Variants in KLF12 observed in about 807,000 individuals in gnomAD.
KLF12 encodes KLF transcription factor 12.
In KLF12, 9 loss-of-function variants were observed where a neutral mutation model predicts 37.8. The observed-to-expected ratio is 0.24, with a 90% confidence interval of 0.14 to 0.42. The LOEUF is 0.42. Among genes scored for constraint, KLF12 ranks in the 10% least tolerant of loss-of-function variants. The probability of loss-of-function intolerance (pLI) is 1.00; values close to 1 mark genes in which losing one functional copy is unlikely to be tolerated. For synonymous variants in KLF12, 208 were observed against 202.1 expected (o/e 1.03, Z -0.25); for missense variants, 411 against 516.0 (o/e 0.80, Z 1.97).
chr13:73,911,057 T>G (rs2139150926), intron 3 of KLF12, among the ~76,000 whole-genome samples: 1 of 152,234 alleles, frequency 6.6e-6, no homozygotes, highest in African/African-American at 2.4e-5. Context: ...TAAATTCCTT[T>G]TCTTTATAAA....
At chr13:74,268,544 CTTACAGTATAA>C in the KLF12 span, among the ~76,000 whole-genome samples, 1 of 152,152 alleles carries the variant, frequency 6.6e-6, no homozygotes, top group Non-Finnish European at 1.5e-5. Context: ...AAGCAGCTCA[CTTACAGTATAA>C]TTCAGAGGCT....
chr13:73,937,856 G>C (rs1042484698), intron 3 of KLF12, among the ~76,000 whole-genome samples: 4 of 152,024 alleles, frequency 2.6e-5, no homozygotes, highest in African/African-American at 7.3e-5. Context: ...CTTTAGTGGA[G>C]GATACCTCTT....
At chr13:74,268,188 C>T in the KLF12 span, among the ~76,000 whole-genome samples, 1 of 152,128 alleles carries the variant, frequency 6.6e-6, no homozygotes, top group Non-Finnish European at 1.5e-5. Flanking sequence ...ATTTTGCTAT[C>T]ACTGTTGCTG....
intron 4 of KLF12, among the ~76,000 whole-genome samples, chr13:73,827,872 A>G (rs7984301): frequency 0.25 from 37,437 of 152,004 alleles, 4,786 homozygotes; most frequent in East Asian, 0.48. Flanking sequence ...CCCATCCAGA[A>G]TTTTGGTGCA....
intron 2 of KLF12, among the ~76,000 whole-genome samples, chr13:73,979,354 A>AACACAC (rs71115629): frequency 0.12 from 16,092 of 139,554 alleles, 960 homozygotes; most frequent in Admixed American, 0.13. Context: ...TCTGCTTTTA[A>AACACAC]ACACACACAC....
intron 1 of KLF12, among the ~76,000 whole-genome samples, chr13:74,008,213 A>T (rs1892464910): frequency 6.6e-6 from 1 of 152,236 alleles, no homozygotes. Flanking sequence ...AATTTTGATC[A>T]GACCAATTCC....
chr13:74,265,726 G>A, the KLF12 span, among the ~76,000 whole-genome samples: 1 of 152,090 alleles, frequency 6.6e-6, no homozygotes, highest in African/African-American at 2.4e-5. Flanking sequence ...TTTCCTGTGT[G>A]TTCTTGGAAA....
At chr13:74,121,913 T>C (rs1877654806) in intron 1 of KLF12, among the ~76,000 whole-genome samples, 1 of 152,072 alleles carries the variant, frequency 6.6e-6, no homozygotes, top group Non-Finnish European at 1.5e-5. Context: ...TACAATGGTA[T>C]GTCTATGCTC....
chr13:74,019,243 A>G (rs1892779161), intron 1 of KLF12, among the ~76,000 whole-genome samples: 1 of 152,160 alleles, frequency 6.6e-6, no homozygotes, highest in African/African-American at 2.4e-5. Flanking sequence ...TGTCTACTGA[A>G]GTTCAAGTTT....
chr13:73,765,716 T>C (rs1210191803), intron 5 of KLF12, among the ~76,000 whole-genome samples: 1 of 152,134 alleles, frequency 6.6e-6, no homozygotes, highest in African/African-American at 2.4e-5. Context: ...GCCTAGCTAG[T>C]AAACCTCCGC....
intron 3 of KLF12, among the ~76,000 whole-genome samples, chr13:73,897,162 T>C (rs1594226154): frequency 6.6e-6 from 1 of 152,068 alleles, no homozygotes; most frequent in East Asian, 1.9e-4. Flanking sequence ...ATTTACAGCA[T>C]ATTGAAAACA....
At chr13:74,117,810 T>C (rs933793490) in intron 1 of KLF12, among the ~76,000 whole-genome samples, 5 of 152,110 alleles carry the variant, frequency 3.3e-5, no homozygotes, top group Non-Finnish European at 5.9e-5. Context: ...CTGAAGGACG[T>C]CCTATAAAAT....
upstream of KLF12, among the ~76,000 whole-genome samples, chr13:74,135,397 CG>C (rs932932008): frequency 1.3e-5 from 2 of 151,928 alleles, no homozygotes; most frequent in Admixed American, 1.3e-4. Flanking sequence ...GGCCCGGAGC[CG>C]AGTCCTTGAC....
At chr13:74,090,713 G>A (rs1001248204) in intron 1 of KLF12, among the ~76,000 whole-genome samples, 3 of 151,982 alleles carry the variant, frequency 2.0e-5, no homozygotes, top group Non-Finnish European at 4.4e-5. Context: ...CTACTGTTGA[G>A]TTTTGAGAGT....
At chr13:74,140,135 A>G in the KLF12 span, among the ~76,000 whole-genome samples, 4,702 of 152,300 alleles carry the variant, frequency 0.031, 110 homozygotes, top group African/African-American at 0.058. Context: ...TTTATTTTAG[A>G]TAGTTTCCTC....
At chr13:74,036,042 G>C (rs1002668680) in intron 1 of KLF12, among the ~76,000 whole-genome samples, 1 of 152,062 alleles carries the variant, frequency 6.6e-6, no homozygotes, top group African/African-American at 2.4e-5. Context: ...AGCCAGCCAC[G>C]GCCACATCCC....
chr13:73,861,837 T>C (rs1179349993), intron 3 of KLF12, among the ~76,000 whole-genome samples: 1 of 152,162 alleles, frequency 6.6e-6, no homozygotes, highest in Non-Finnish European at 1.5e-5. Flanking sequence ...GATGGGCATG[T>C]GTGTATTCTT....
At chr13:74,034,760 G>A (rs1893205503) in intron 1 of KLF12, among the ~76,000 whole-genome samples, 1 of 152,224 alleles carries the variant, frequency 6.6e-6, no homozygotes, top group Non-Finnish European at 1.5e-5. Context: ...AATATCTCAG[G>A]TTGGACAAAG....
At chr13:73,943,158 G>A (rs946066000) in intron 3 of KLF12, among the ~76,000 whole-genome samples, 1 of 152,156 alleles carries the variant, frequency 6.6e-6, no homozygotes, top group Non-Finnish European at 1.5e-5. Flanking sequence ...TAATAAGAGA[G>A]ACACTGATAA....
Sources: gnomAD v4.1 joint callset for allele counts (sites outside exome capture counted in the v4.1 genomes callset) on GRCh38, gnomAD v4.1.1 for gene constraint, MANE v1.5 for transcripts, NCBI Gene and HGNC (gene_info 2026-07-23, HGNC 2026-07-21) for gene names.